ULK4: variants seen among roughly 807,000 people sequenced by gnomAD.
ULK4 encodes unc-51 like kinase 4.
In ULK4, 133 loss-of-function variants were observed where a neutral mutation model predicts 160.6. The observed-to-expected ratio is 0.83, with a 90% CI of 0.72 to 0.96. ULK4 has a LOEUF of 0.96. Ranked by LOEUF, ULK4 falls within the 40% of genes least tolerant of loss-of-function variation. ULK4 has a pLI of 0.00. For missense variants in ULK4, 1,580 were observed against 1,499.5 expected (o/e 1.05, Z -0.89); for synonymous variants, 534 against 539.8 (o/e 0.99, Z 0.15).
At chr3:41,564,911 A>G (rs1038247053) in intron 32 of ULK4, among the ~76,000 whole-genome samples, 1 of 152,142 alleles carries the variant, frequency 6.6e-6, no homozygotes, top group Non-Finnish European at 1.5e-5. Flanking sequence ...TTCAAGCTCC[A>G]TCCATATTAA....
At chr3:41,326,168 A>C (rs2080335805) in intron 35 of ULK4, among the ~76,000 whole-genome samples, 1 of 152,152 alleles carries the variant, frequency 6.6e-6, no homozygotes, top group East Asian at 1.9e-4. Flanking sequence ...GACTGCTCTG[A>C]TCTTTCTCAT....
At chr3:41,758,673 C>G (rs1458749121) in intron 21 of ULK4, among the ~76,000 whole-genome samples, 2 of 152,010 alleles carry the variant, frequency 1.3e-5, no homozygotes, top group East Asian at 3.9e-4. Flanking sequence ...ATCACGAGGT[C>G]AGGAGATCAA....
At chr3:41,656,247 A>G (rs79465678) in intron 30 of ULK4, among the ~76,000 whole-genome samples, 1 of 152,218 alleles carries the variant, frequency 6.6e-6, no homozygotes, top group African/African-American at 2.4e-5. Flanking sequence ...GAACACTTAT[A>G]CAACATTTTC....
rs112404307 is a variant in ULK4, at chr3:41,368,960, C to A, written c.3678+29119G>T. On this transcript the variant is annotated intron_variant, in intron 35 of 36. Coordinates refer to ENST00000301831, the MANE Select transcript of ULK4 (RefSeq NM_017886.4). ...TTTTCATTCATTTATACCCGCTTTG[C>A]TCCTACCTAGAGCATATGGTTCTCT... 4.1e-3 allele frequency among the ~76,000 whole-genome samples: 623 copies of A among 152,242 alleles called. 3 individuals carry two copies. The highest frequency in any genetic ancestry group is 0.014 in the African/African-American group (598 of 41,548).
intron 22 of ULK4, among the ~76,000 whole-genome samples, chr3:41,748,331 T>TAA (rs771587337): frequency 1.3e-5 from 2 of 151,648 alleles, no homozygotes; most frequent in South Asian, 2.1e-4. Context: ...TATATATATA[T>TAA]AATAGTTTCA....
chr3:41,251,513 C>T (rs2078742079), intron 35 of ULK4, among the ~76,000 whole-genome samples: 1 of 152,162 alleles, frequency 6.6e-6, no homozygotes, highest in African/African-American at 2.4e-5. Context: ...AGTGAGTTTA[C>T]CACTTCTTTC....
chr3:41,713,977 A>C (rs2037182262), intron 25 of ULK4, among the ~76,000 whole-genome samples: 1 of 152,166 alleles, frequency 6.6e-6, no homozygotes, highest in African/African-American at 2.4e-5. Context: ...CCAAACAAAC[A>C]CTGTGCCAAA....
intron 20 of ULK4, among the ~76,000 whole-genome samples, chr3:41,796,534 G>A (rs1020008623): frequency 1.3e-5 from 2 of 152,112 alleles, no homozygotes; most frequent in Non-Finnish European, 2.9e-5. Flanking sequence ...AGAGGTTGCA[G>A]TGGCCTGAGA....
intron 32 of ULK4, among the ~76,000 whole-genome samples, chr3:41,480,206 CAAAAAAAAA>C (rs60805184): frequency 0.016 from 1,601 of 97,212 alleles, 37 homozygotes; most frequent in African/African-American, 0.052. Context: ...GACTCCGTAT[CAAAAAAAAA>C]AAAAAAAAAA....
At chr3:41,749,619 CATG>C (rs1321653618) in intron 22 of ULK4, among the ~76,000 whole-genome samples, 1 of 152,188 alleles carries the variant, frequency 6.6e-6, no homozygotes. Flanking sequence ...GCATTTTTGA[CATG>C]ATATTTTCAA....
intron 32 of ULK4, among the ~76,000 whole-genome samples, chr3:41,490,640 A>C (rs893329244): frequency 6.6e-6 from 1 of 152,180 alleles, no homozygotes; most frequent in African/African-American, 2.4e-5. Context: ...AAAGAATGGA[A>C]CTCTATTTGA....
At chr3:41,447,411 G>GT (rs1312045903) in intron 34 of ULK4, among the ~76,000 whole-genome samples, 1 of 152,042 alleles carries the variant, frequency 6.6e-6, no homozygotes, top group Non-Finnish European at 1.5e-5. Flanking sequence ...ATAAATGCAT[G>GT]TTTTTTTACT....
intron 1 of ULK4, among the ~76,000 whole-genome samples, chr3:41,956,225 T>C (rs1179442853): frequency 6.6e-6 from 1 of 152,128 alleles, no homozygotes; most frequent in Non-Finnish European, 1.5e-5. Context: ...ATGAATGAAA[T>C]GGAATCAATG....
At chr3:41,725,096 C>G (rs1559510074) in intron 22 of ULK4, among the ~76,000 whole-genome samples, 1 of 152,082 alleles carries the variant, frequency 6.6e-6, no homozygotes, top group Non-Finnish European at 1.5e-5. Flanking sequence ...TTGAATGAAC[C>G]ATAATTTTAA....
chr3:41,570,748 T>A (rs115262712), intron 31 of ULK4, among the ~76,000 whole-genome samples: 8 of 152,146 alleles, frequency 5.3e-5, no homozygotes, highest in Non-Finnish European at 1.0e-4. Flanking sequence ...TTGATATAGG[T>A]ACTTCCTTCA....
intron 35 of ULK4, among the ~76,000 whole-genome samples, chr3:41,299,335 G>T (rs1033077376): frequency 6.6e-6 from 1 of 152,220 alleles, no homozygotes; most frequent in Non-Finnish European, 1.5e-5. Flanking sequence ...GACCAAGGAT[G>T]CATGAGGGAG....
chr3:41,689,268 T>C (rs1447553397), intron 27 of ULK4, among the ~76,000 whole-genome samples: 1 of 152,236 alleles, frequency 6.6e-6, no homozygotes, highest in Non-Finnish European at 1.5e-5. Context: ...TGTTGATTTC[T>C]ACCCACCAGT....
At chr3:41,619,796 G>A (rs1260765355) in intron 30 of ULK4, among the ~76,000 whole-genome samples, 9 of 152,080 alleles carry the variant, frequency 5.9e-5, no homozygotes, top group East Asian at 3.9e-4. Flanking sequence ...ATGGAGACAC[G>A]AAAAACCCTT....
chr3:41,470,689 G>A (rs1395547638), intron 32 of ULK4, among the ~76,000 whole-genome samples: 1 of 152,078 alleles, frequency 6.6e-6, no homozygotes, highest in Admixed American at 6.5e-5. Flanking sequence ...ATTACAAAAT[G>A]ATGTAAATTC....
Sources: allele counts gnomAD v4.1 joint callset (sites outside exome capture counted in the v4.1 genomes callset), GRCh38; gene constraint gnomAD v4.1.1; transcripts MANE v1.5; gene names NCBI Gene and HGNC (gene_info 2026-07-23, HGNC 2026-07-21).